The following DYNC1I1 variants were observed in gnomAD, a reference collection of about 807,000 sequenced individuals.
The protein encoded by DYNC1I1 is dynein cytoplasmic 1 intermediate chain 1.
DYNC1I1 carries 43 observed loss-of-function variants against 86.6 expected under a neutral mutation model. That is an observed-to-expected ratio of 0.50 (90% CI 0.39 to 0.64). DYNC1I1 has a LOEUF of 0.64. DYNC1I1 is among the 30% of genes least tolerant of loss of function. The pLI, the probability that DYNC1I1 is intolerant of heterozygous loss-of-function variation, is 0.00. For synonymous variants in DYNC1I1, 262 were observed against 283.7 expected, an observed-to-expected ratio of 0.92 and a Z score of 0.77; for missense variants, 604 against 788.8, an observed-to-expected ratio of 0.77 and a Z score of 2.81.
chr7:96,004,022 A>T (rs1012128677), intron 10 of DYNC1I1, among the ~76,000 whole-genome samples: 1 of 152,230 alleles, frequency 6.6e-6, no homozygotes, highest in Non-Finnish European at 1.5e-5. Flanking sequence ...TCCAAGAGTC[A>T]CATTCTTATT....
chr7:95,931,991 T>C (rs941585440), intron 6 of DYNC1I1, among the ~76,000 whole-genome samples: 1 of 152,224 alleles, frequency 6.6e-6, no homozygotes, highest in Non-Finnish European at 1.5e-5. Context: ...ATATTTACTA[T>C]TTATATATGT....
intron 14 of DYNC1I1, among the ~76,000 whole-genome samples, chr7:96,058,566 A>AC (rs1335580227): frequency 2.7e-5 from 4 of 146,664 alleles, no homozygotes; most frequent in East Asian, 2.0e-4. Flanking sequence ...GGCAGACAAA[A>AC]CCCCCCCGAC....
intron 6 of DYNC1I1, among the ~76,000 whole-genome samples, chr7:95,896,832 A>G (rs1790894924): frequency 6.6e-6 from 1 of 152,206 alleles, no homozygotes; most frequent in Non-Finnish European, 1.5e-5. Context: ...ATTTATCCCC[A>G]TATGAAAGCT....
chr7:96,007,860 G>A (rs1262849757), intron 10 of DYNC1I1, among the ~76,000 whole-genome samples: 1 of 152,144 alleles, frequency 6.6e-6, no homozygotes, highest in Non-Finnish European at 1.5e-5. Context: ...ATTTATATAT[G>A]CCCAAAGCCT....
chr7:95,882,499 A>G (rs1324109966), intron 6 of DYNC1I1, among the ~76,000 whole-genome samples: 9 of 152,204 alleles, frequency 5.9e-5, no homozygotes, highest in Non-Finnish European at 1.3e-4. Flanking sequence ...TTCAGCAGTC[A>G]TCCAGCAGAA....
chr7:96,001,279 T>C (rs779362359), intron 10 of DYNC1I1, among the ~76,000 whole-genome samples: 26 of 152,232 alleles, frequency 1.7e-4, no homozygotes, highest in Non-Finnish European at 3.5e-4. Context: ...GTCTTGTCCC[T>C]CCCTTCCCTG....
chr7:95,788,982 C>G (rs1444686278), intron 1 of DYNC1I1, among the ~76,000 whole-genome samples: 1 of 152,038 alleles, frequency 6.6e-6, no homozygotes, highest in Non-Finnish European at 1.5e-5. Flanking sequence ...AATTGGTTTT[C>G]TTTAAAAGCT....
chr7:95,848,420 A>G (rs1358555871), intron 5 of DYNC1I1, among the ~76,000 whole-genome samples: 2 of 151,940 alleles, frequency 1.3e-5, no homozygotes, highest in Middle Eastern at 3.4e-3. Flanking sequence ...TGATAACCTT[A>G]CCTTCCTACT....
intron 6 of DYNC1I1, among the ~76,000 whole-genome samples, chr7:95,963,641 A>T (rs1273460605): frequency 6.6e-6 from 1 of 152,128 alleles, no homozygotes; most frequent in African/African-American, 2.4e-5. Flanking sequence ...GAGCCTTTGA[A>T]GTGAAATCTC....
intron 6 of DYNC1I1, among the ~76,000 whole-genome samples, chr7:95,952,341 A>ACCTCCC (rs1273230855): frequency 6.6e-6 from 1 of 152,084 alleles, no homozygotes; most frequent in African/African-American, 2.4e-5. Context: ...TTTAGCTTAT[A>ACCTCCC]CTTTCCTCCC....
intron 13 of DYNC1I1, among the ~76,000 whole-genome samples, chr7:96,036,152 G>C (rs575890578): frequency 6.6e-6 from 1 of 152,162 alleles, no homozygotes; most frequent in South Asian, 2.1e-4. Flanking sequence ...TTTTTGGCCT[G>C]GTTAATTCCT....
chr7:95,786,144 A>G (rs1038512150), intron 1 of DYNC1I1, among the ~76,000 whole-genome samples: 6 of 152,104 alleles, frequency 3.9e-5, no homozygotes, highest in Non-Finnish European at 8.8e-5. Context: ...GCAGAAAAAA[A>G]TAGCCCTGGG....
chr7:96,059,144 G>A (rs1789682862), intron 14 of DYNC1I1, among the ~76,000 whole-genome samples: 1 of 152,206 alleles, frequency 6.6e-6, no homozygotes, highest in South Asian at 2.1e-4. Context: ...TTGATTTAAT[G>A]TGTATTGTTG....
chr7:96,058,129 A>G (rs1209502347), intron 14 of DYNC1I1, among the ~76,000 whole-genome samples: 1 of 152,218 alleles, frequency 6.6e-6, no homozygotes, highest in African/African-American at 2.4e-5. Flanking sequence ...CAGCACAAAT[A>G]TAATTGACAT....
chr7:95,943,686 AT>A (rs1359838710), intron 6 of DYNC1I1, among the ~76,000 whole-genome samples: 25 of 150,778 alleles, frequency 1.7e-4, no homozygotes, highest in African/African-American at 5.3e-4. Context: ...ATATAGATCA[AT>A]GGAACAGAAC....
At chr7:95,801,595 TAAG>T (rs1232504133) in intron 1 of DYNC1I1, among the ~76,000 whole-genome samples, 1 of 152,218 alleles carries the variant, frequency 6.6e-6, no homozygotes, top group African/African-American at 2.4e-5. Context: ...TCACATTTTC[TAAG>T]AAGATTCTCC....
rs548494008 is a variant in DYNC1I1 at position 95,804,575 on chromosome 7, C to T, written c.-9-146C>T. On this transcript the variant is annotated intron_variant, in intron 1 of 16. Coordinates refer to ENST00000447467, the MANE Select transcript of DYNC1I1 (RefSeq NM_001135556.2). ...TCTAACTTAATTTGTTTCTTTGATTCTTTCACATAGGCTAAATAATACAAC... is the reference window on the plus strand; with the variant it reads ...TCTAACTTAATTTGTTTCTTTGATTTTTTCACATAGGCTAAATAATACAAC... 388 of 1,012,952 alleles carry T rather than the reference C, an allele frequency of 3.8e-4. 1 individual carries two copies. The highest frequency in any genetic ancestry group is 5.0e-4 in the Non-Finnish European group (364 of 730,564). 62.7% of individuals were successfully genotyped at this position (1,012,952 alleles called of 1,614,324 possible). A position where few individuals can be genotyped will look rare whatever the true frequency, so the allele number is the denominator to read the frequency against.
At chr7:95,894,836 G>A (rs1790836275) in intron 6 of DYNC1I1, among the ~76,000 whole-genome samples, 2 of 152,270 alleles carry the variant, frequency 1.3e-5, no homozygotes, top group East Asian at 1.9e-4. Flanking sequence ...GAAGTCAGTT[G>A]GTGAGAGGTC....
At chr7:95,792,268 G>A (rs1210544186) in intron 1 of DYNC1I1, among the ~76,000 whole-genome samples, 1 of 152,170 alleles carries the variant, frequency 6.6e-6, no homozygotes, top group Non-Finnish European at 1.5e-5. Flanking sequence ...GCATGATCCA[G>A]TCTTGTGCTG....
Sources: gnomAD v4.1 joint callset for allele counts (sites outside exome capture counted in the v4.1 genomes callset) on GRCh38, gnomAD v4.1.1 for gene constraint, MANE v1.5 for transcripts, NCBI Gene and HGNC (gene_info 2026-07-23, HGNC 2026-07-21) for gene names.